Variants in RIPOR3 observed in about 807,000 individuals in gnomAD.
RIPOR3 encodes RIPOR family member 3.
A neutral mutation model predicts 114.3 loss-of-function variants in RIPOR3; 95 were observed. That is an observed-to-expected ratio of 0.83 (90% CI 0.70 to 0.99). The LOEUF (loss-of-function observed/expected upper bound fraction) is 0.99. Among genes scored for constraint, RIPOR3 ranks in the 50% least tolerant of loss-of-function variants. The pLI is 0.00. For missense variants in RIPOR3, 1,252 were observed against 1,266.9 expected (o/e 0.99, Z 0.18); for synonymous variants, 575 against 543.8 (o/e 1.06, Z -0.80).
chr20:50,622,023 C>T (rs2084425526), intron 2 of RIPOR3, among the ~76,000 whole-genome samples: 1 of 152,190 alleles, frequency 6.6e-6, no homozygotes, highest in East Asian at 1.9e-4. Flanking sequence ...ATGAGGCTGG[C>T]TGATGCAGCC....
intron 17 of RIPOR3, 32 bp downstream of exon 17, chr20:50,594,521 G>T (rs780478713): frequency 6.3e-7 from 1 of 1,599,408 alleles, no homozygotes; most frequent in East Asian, 2.2e-5. Flanking sequence ...GCCTTTCTGT[G>T]GGAGGGGACG....
intron 1 of RIPOR3, among the ~76,000 whole-genome samples, chr20:50,652,374 T>C (rs915975607): frequency 1.3e-5 from 2 of 152,042 alleles, no homozygotes; most frequent in Admixed American, 6.6e-5. Context: ...GTGAATCACT[T>C]GAGGTCAGGA....
At chr20:50,608,080 G>A (rs891430813) in intron 11 of RIPOR3, among the ~76,000 whole-genome samples, 1 of 152,110 alleles carries the variant, frequency 6.6e-6, no homozygotes, top group Non-Finnish European at 1.5e-5. Flanking sequence ...CCTTCCTGGA[G>A]AGGTGAGCCT....
chr20:50,604,142 G>A (rs1406865285), intron 12 of RIPOR3, among the ~76,000 whole-genome samples: 4 of 151,130 alleles, frequency 2.6e-5, no homozygotes, highest in African/African-American at 7.3e-5. Context: ...CTGACATTGC[G>A]TGACTGCACT....
intron 1 of RIPOR3, among the ~76,000 whole-genome samples, chr20:50,651,926 A>G (rs2085624897): frequency 6.6e-6 from 1 of 152,210 alleles, no homozygotes; most frequent in South Asian, 2.1e-4. Flanking sequence ...CCACAACTTC[A>G]GGGAAAGTAG....
At chr20:50,652,590 C>CAAAAAAAAAAAAAAA (rs11470456) in intron 1 of RIPOR3, among the ~76,000 whole-genome samples, 24 of 87,300 alleles carry the variant, frequency 2.7e-4, no homozygotes, top group Non-Finnish European at 3.6e-4. Flanking sequence ...GATTCTGTCT[C>CAAAAAAAAAAAAAAA]AAAAAAAAAA....
intron 1 of RIPOR3, among the ~76,000 whole-genome samples, chr20:50,671,979 TGC>T (rs2086521182): frequency 4.1e-5 from 4 of 98,156 alleles, no homozygotes; most frequent in South Asian, 3.8e-4. Context: ...GGTGGATGGG[TGC>T]GTGGATGGAT....
chr20:50,665,360 T>C (rs2086149808), intron 1 of RIPOR3, among the ~76,000 whole-genome samples: 1 of 149,458 alleles, frequency 6.7e-6, no homozygotes, highest in Non-Finnish European at 1.5e-5. Context: ...GGCAAGAAGA[T>C]TGCTGGAGCC....
chr20:50,688,005 C>A (rs2087086433), intron 1 of RIPOR3, among the ~76,000 whole-genome samples: 1 of 151,918 alleles, frequency 6.6e-6, no homozygotes, highest in Admixed American at 6.6e-5. Context: ...GTAATATAAT[C>A]ATTTCACTCA....
At chr20:50,623,334 G>T (rs1281151312) in intron 2 of RIPOR3, among the ~76,000 whole-genome samples, 1 of 152,010 alleles carries the variant, frequency 6.6e-6, no homozygotes, top group Non-Finnish European at 1.5e-5. Context: ...CTGAACGGGG[G>T]AAAATACAGT....
intron 1 of RIPOR3, among the ~76,000 whole-genome samples, chr20:50,673,515 C>T (rs778651775): frequency 1.3e-5 from 2 of 152,188 alleles, no homozygotes; most frequent in Non-Finnish European, 2.9e-5. Flanking sequence ...TCCCTGCTGA[C>T]AAAGCAACTA....
intron 1 of RIPOR3, chr20:50,636,653 C>G: frequency 1.0e-5 from 10 of 985,672 alleles, no homozygotes; most frequent in Non-Finnish European, 1.2e-5. Context: ...GCACTTAGAA[C>G]TGATGCCGTT....
At chr20:50,592,840 C>G (rs921054547) in intron 18 of RIPOR3, among the ~76,000 whole-genome samples, 195 bp downstream of exon 18, 1 of 152,222 alleles carries the variant, frequency 6.6e-6, no homozygotes, top group Admixed American at 6.5e-5. Context: ...CTGTTCCGTG[C>G]TTTTTAAAGC....
intron 20 of RIPOR3, among the ~76,000 whole-genome samples, chr20:50,589,122 G>C (rs1191735063): frequency 7.1e-6 from 1 of 141,766 alleles, no homozygotes; most frequent in East Asian, 2.0e-4. Flanking sequence ...AAGCTAAAGT[G>C]CTGCCAGTCT....
At chr20:50,684,730 C>T (rs1263031327) in intron 1 of RIPOR3, among the ~76,000 whole-genome samples, 3 of 152,214 alleles carry the variant, frequency 2.0e-5, no homozygotes, top group Admixed American at 6.5e-5. Context: ...ACAGAGCTGT[C>T]AGCTTCTGGG....
chr20:50,658,647 G>A (rs897465286), intron 1 of RIPOR3, among the ~76,000 whole-genome samples: 1 of 152,098 alleles, frequency 6.6e-6, no homozygotes, highest in Non-Finnish European at 1.5e-5. Flanking sequence ...CAAGGTTACA[G>A]TGAGCTGTAA....
chr20:50,602,309 C>T lies in RIPOR3; in HGVS notation c.1422G>A (p.Arg474=). The change falls in exon 13 of 22, where the codon AGG becomes AGA. Residue 474 remains arginine (R), a synonymous_variant. Coordinates refer to ENST00000327979, the MANE Select transcript of RIPOR3 (RefSeq NM_001290268.2). This position sits in a 1 kb window ranked among gnomAD's most constrained non-coding sequence, Gnocchi z 4.3. ...GGCTGGGGCTCTCCCCTCCTAAGTT[C>T]CTCCAGCCAGGCTGCTCTGCAAACG... ...GGPFAEQPGW[R]NLGGESPSLP... The T allele has an allele frequency of 1.2e-6, 2 of 1,613,882 alleles. No homozygotes were observed. Among genetic ancestry groups the T allele is most frequent in the Non-Finnish European group, 1.7e-6 (2 of 1,179,962 alleles).
intron 1 of RIPOR3, among the ~76,000 whole-genome samples, chr20:50,639,545 G>A (rs576151272): frequency 6.6e-6 from 1 of 152,256 alleles, no homozygotes; most frequent in African/African-American, 2.4e-5. Flanking sequence ...CAAGTTGGTA[G>A]CATTGTACCT....
At chr20:50,604,905 T>C in intron 11 of RIPOR3, 131 bp from the exon 12 acceptor site, 3 of 1,136,982 alleles carry the variant, frequency 2.6e-6, no homozygotes, top group South Asian at 3.0e-5. Flanking sequence ...ATGGATGGTG[T>C]GTGAGGAGCT....
Sources: allele counts gnomAD v4.1 joint callset (sites outside exome capture counted in the v4.1 genomes callset), GRCh38; gene constraint gnomAD v4.1.1; non-coding constraint Gnocchi (gnomAD v3.1); transcripts MANE v1.5; gene names NCBI Gene and HGNC (gene_info 2026-07-23, HGNC 2026-07-21).